Variants in MAEL observed in about 807,000 individuals in gnomAD.
MAEL encodes maelstrom spermatogenic transposon silencer.
In MAEL, 46 loss-of-function variants were observed where a neutral mutation model predicts 62.0. That is an observed-to-expected ratio of 0.74 (90% CI 0.59 to 0.95). The LOEUF (loss-of-function observed/expected upper bound fraction) is 0.95, where lower values mean the gene tolerates loss of function less well. Ranked by LOEUF, MAEL falls within the 40% of genes least tolerant of loss-of-function variation. MAEL has a pLI of 0.00. For missense variants in MAEL, 497 were observed against 526.8 expected (o/e 0.94, Z 0.55); for synonymous variants, 172 against 175.5 (o/e 0.98, Z 0.16).
At chr1:166,983,723 G>A (rs992588983) in intron 1 of MAEL, among the ~76,000 whole-genome samples, 28 of 152,180 alleles carry the variant, frequency 1.8e-4, no homozygotes, top group African/African-American at 5.1e-4. Flanking sequence ...CAAAGAAGGA[G>A]AGGAGCAGTG....
intron 3 of MAEL, among the ~76,000 whole-genome samples, chr1:166,991,938 A>G (rs1664192440): frequency 6.6e-6 from 1 of 152,230 alleles, no homozygotes; most frequent in African/African-American, 2.4e-5. Flanking sequence ...TCCACAATGT[A>G]TACATGTATC....
chr1:167,015,290 T>C (rs1665342235), intron 8 of MAEL, among the ~76,000 whole-genome samples: 1 of 152,224 alleles, frequency 6.6e-6, no homozygotes, highest in East Asian at 1.9e-4. Context: ...GTTACAGTTT[T>C]GTGAACTACC....
At chr1:167,019,002 TA>T (rs1665509490) in intron 10 of MAEL, among the ~76,000 whole-genome samples, 3 of 152,160 alleles carry the variant, frequency 2.0e-5, no homozygotes, top group Admixed American at 1.3e-4. Context: ...TATGATAATT[TA>T]AAAATAAAAA....
intron 8 of MAEL, among the ~76,000 whole-genome samples, chr1:167,011,886 T>C (rs1665184381): frequency 6.6e-6 from 1 of 152,200 alleles, no homozygotes; most frequent in Non-Finnish European, 1.5e-5. Context: ...AAATACAGTG[T>C]TGAGTTCAGC....
chr1:166,992,477 C>T (rs1664220947), intron 3 of MAEL, among the ~76,000 whole-genome samples: 1 of 152,110 alleles, frequency 6.6e-6, no homozygotes, highest in Non-Finnish European at 1.5e-5. Context: ...AGAGTGGTTA[C>T]TTTAATCCTT....
At chr1:166,995,177 G>C (rs1199092632) in intron 5 of MAEL, among the ~76,000 whole-genome samples, 1 of 151,894 alleles carries the variant, frequency 6.6e-6, no homozygotes, top group Non-Finnish European at 1.5e-5. Flanking sequence ...TTATTTGTTT[G>C]ACTGGAATCA....
intron 2 of MAEL, 93 bp downstream of exon 2, chr1:166,989,922 A>C: frequency 3.9e-6 from 4 of 1,020,610 alleles, no homozygotes; most frequent in Non-Finnish European, 5.8e-6. Context: ...TCAAGGGTGG[A>C]CTGCTTTGGG....
At chr1:167,018,628 T>A (rs1195606498) in intron 10 of MAEL, among the ~76,000 whole-genome samples, 1 of 152,178 alleles carries the variant, frequency 6.6e-6, no homozygotes, top group African/African-American at 2.4e-5. Flanking sequence ...ATAATAAATG[T>A]TGTTATTTTA....
intron 9 of MAEL, among the ~76,000 whole-genome samples, chr1:167,016,718 T>C (rs971682533): frequency 3.9e-5 from 6 of 152,092 alleles, no homozygotes; most frequent in African/African-American, 1.2e-4. Context: ...ATAGCCAAGA[T>C]TTGGAAGCAA....
chr1:166,995,658 A>G (rs1263105620), intron 5 of MAEL, among the ~76,000 whole-genome samples: 2 of 150,630 alleles, frequency 1.3e-5, no homozygotes, highest in East Asian at 1.9e-4. Flanking sequence ...ATCTGAGGTT[A>G]TTGAACTAGA....
At chr1:167,016,195 G>A in intron 8 of MAEL, 27 bp from the exon 9 acceptor site, 2 of 1,598,080 alleles carry the variant, frequency 1.3e-6, no homozygotes, top group Non-Finnish European at 1.7e-6. Context: ...CTTCAGTTAG[G>A]ATATTAAAGT....
At chr1:167,012,888 G>A (rs1665229320) in intron 8 of MAEL, among the ~76,000 whole-genome samples, 1 of 125,274 alleles carries the variant, frequency 8.0e-6, no homozygotes, top group Non-Finnish European at 1.7e-5. Flanking sequence ...TGAGGTTGAA[G>A]CAGTTGGGGG....
At position 166,989,830 on chromosome 1, in the gene MAEL, G is replaced by A. The variant is rs1664085715; in HGVS notation, c.225+1G>A. On this transcript the variant is annotated splice_donor_variant, in intron 2 of 11. Transcript: ENST00000367872. LOFTEE classifies it high-confidence loss of function. ...GGACCCTGGGCCCTCAGAGAAGCAG[G>A]TAAAGTTAACGAGAGAAGAGCCGCC... 3 of 1,610,168 alleles carry A rather than the reference G, an allele frequency of 1.9e-6. No individual in the cohort carries two copies. Among genetic ancestry groups the A allele is most frequent in the Non-Finnish European group, 2.5e-6 (3 of 1,178,726 alleles).
chr1:166,993,972 G>A, intron 4 of MAEL, 56 bp from the exon 5 acceptor site: 3 of 1,354,058 alleles, frequency 2.2e-6, no homozygotes, highest in Non-Finnish European at 3.1e-6. Context: ...GAGTATTACT[G>A]TAGCACTAGA....
At chr1:166,978,829 C>T (rs1236759765) in intron 1 of MAEL, among the ~76,000 whole-genome samples, 1 of 152,186 alleles carries the variant, frequency 6.6e-6, no homozygotes, top group Non-Finnish European at 1.5e-5. Flanking sequence ...AGGAAGGGGT[C>T]TGGCTCTGCA....
intron 1 of MAEL, among the ~76,000 whole-genome samples, chr1:166,977,645 T>C (rs992503916): frequency 3.3e-5 from 5 of 152,208 alleles, no homozygotes; most frequent in African/African-American, 1.2e-4. Context: ...GTGTTTATTA[T>C]CTAAGCACAC....
In MAEL at chr1:166,989,363, G is replaced by A; in HGVS notation, c.11G>A (p.Arg4His). 1.9e-6 allele frequency: 3 copies of A among 1,609,958 alleles called. No homozygotes were observed. Among genetic ancestry groups the A allele is most frequent in the Non-Finnish European group, 2.5e-6 (3 of 1,178,318 alleles). The change falls in exon 1 of 12, where the codon CGT (arginine) becomes CAT (histidine). Residue 4 changes from arginine (R) to histidine (H), a missense_variant. Coordinates refer to ENST00000367872, the MANE Select transcript of MAEL (RefSeq NM_032858.3). MPN[R>H]KASRNAYYFF... ...TTTGACCGCGCTGCCATGCCGAACC[G>A]TAAGGCCAGCCGGAATGCTTACTAT...
chr1:166,997,219 CA>C (rs1310143997), intron 5 of MAEL, among the ~76,000 whole-genome samples: 1 of 152,156 alleles, frequency 6.6e-6, no homozygotes, highest in African/African-American at 2.4e-5. Flanking sequence ...ACAAAAATCA[CA>C]AAAAAATCTT....
rs1477911955 is a variant in MAEL, at chr1:167,016,208, AT to A, written c.846-7del. 1.2e-6 allele frequency: 2 copies of A among 1,612,654 alleles called. No homozygotes were observed. The highest frequency in any genetic ancestry group is 8.5e-7 in the Non-Finnish European group (1 of 1,178,864). ...TACTTCAGTTAGGATATTAAAGTCC[AT>A]TTTTTTGTACAGGTGCAAGTGGCAT... On this transcript the variant is annotated splice_polypyrimidine_tract_variant and intron_variant, in intron 8 of 11. Coordinates refer to ENST00000367872, the MANE Select transcript of MAEL (RefSeq NM_032858.3).
Sources: gnomAD v4.1 joint callset for allele counts (sites outside exome capture counted in the v4.1 genomes callset) on GRCh38, gnomAD v4.1.1 for gene constraint, MANE v1.5 for transcripts, NCBI Gene and HGNC (gene_info 2026-07-23, HGNC 2026-07-21) for gene names.